The following SETD2 variants were observed in gnomAD, a reference collection of about 807,000 sequenced individuals.
The protein encoded by SETD2 is SET domain containing 2, histone lysine methyltransferase.
Under a neutral mutation model 242.1 loss-of-function variants are expected in SETD2, and 31 were observed. That is an observed-to-expected ratio of 0.13 (90% CI 0.10 to 0.17). The LOEUF is 0.17. Among genes scored for constraint, SETD2 ranks in the 10% least tolerant of loss-of-function variants. The pLI, the probability that SETD2 is intolerant of heterozygous loss-of-function variation, is 1.00. For missense variants in SETD2, 2,481 were observed against 3,046.3 expected, an observed-to-expected ratio of 0.81 and a Z score of 4.37; for synonymous variants, 1,006 against 1,066.5, an observed-to-expected ratio of 0.94 and a Z score of 1.11.
intron 1 of SETD2, among the ~76,000 whole-genome samples, chr3:47,144,683 T>G (rs541571312): frequency 6.6e-6 from 1 of 150,480 alleles, no homozygotes; most frequent in East Asian, 2.0e-4. Context: ...GAAAAAGAAA[T>G]AAGGCCAGGC....
At position 47,114,061 on chromosome 3, in the gene SETD2, ACTTTG is replaced by A; in HGVS notation, c.4587-62_4587-58del. ...TTAAAGCAGCAAAAGAACCAAAGTA[ACTTTG>A]AAAAAATGTGTTAGTATAACTACAT... On this transcript the variant is annotated intron_variant, in intron 4 of 20. Coordinates refer to ENST00000409792, the MANE Select transcript of SETD2 (RefSeq NM_014159.7). 3.2e-6 allele frequency: 5 copies of A among 1,559,968 alleles called. No homozygotes were observed. In the South Asian group the frequency reaches 3.5e-5, roughly 11 times the overall value.
At chr3:47,080,513 C>A (rs2041276114) in intron 12 of SETD2, among the ~76,000 whole-genome samples, 1 of 152,186 alleles carries the variant, frequency 6.6e-6, no homozygotes, top group South Asian at 2.1e-4. Context: ...AGTCAAGTTA[C>A]ACTTAGTCAC....
chr3:47,050,721 C>CT (rs1207924691), intron 15 of SETD2, among the ~76,000 whole-genome samples: 11 of 70,376 alleles, frequency 1.6e-4, no homozygotes, highest in Admixed American at 2.8e-4. Flanking sequence ...CATTTCCTCT[C>CT]TCTTTTTTTT....
rs986381542 is a variant in SETD2 at position 47,116,855 on chromosome 3, G to GT, written c.4455-102dup. On this transcript the variant is annotated intron_variant, in intron 3 of 20. Transcript: ENST00000409792. ...GCCAAATCTCATTAGATTCTTTTGG[G>GT]TTTTTTTAAACAGGGTCTTGTTCTG... is the stretch of plus-strand genomic sequence containing the variant. 1.2e-4 allele frequency: 107 copies of GT among 889,782 alleles called. 1 individual carries two copies. The African/African-American group carries it at 1.4e-3, about 12-fold the overall frequency. 55.1% of individuals were successfully genotyped at this position (889,782 alleles called of 1,614,324 possible).
rs766229574 is a variant in SETD2, at chr3:47,122,606, G to C, written c.2030C>G (p.Pro677Arg). ...TGTTGCCAAATCAGATTCTGCCCCA[G>C]GAGATCCATTTATATTTAATTCTAT... ...CPIELNINGS[P>R]GAESDLATFC... The change falls in exon 3 of 21, where the codon CCT becomes CGT. Residue 677 changes from proline (P) to arginine (R), a missense_variant. Pro to Arg is a moderately radical substitution (Grantham distance 103). Transcript: ENST00000409792. The C allele has an allele frequency of 6.2e-7, 1 of 1,613,982 alleles. No individual in the cohort carries two copies. The highest frequency in any genetic ancestry group is 1.3e-5 in the African/African-American group (1 of 75,036).
chr3:47,077,893 T>A (rs2041160042), intron 12 of SETD2, among the ~76,000 whole-genome samples: 2 of 152,136 alleles, frequency 1.3e-5, no homozygotes, highest in Non-Finnish European at 2.9e-5. Flanking sequence ...AATGAAGGCA[T>A]CAAGTAAATA....
At chr3:47,050,721 C>CTTTTTTTTTTT (rs1207924691) in intron 15 of SETD2, among the ~76,000 whole-genome samples, 14 of 70,376 alleles carry the variant, frequency 2.0e-4, no homozygotes, top group Non-Finnish European at 3.7e-4. Context: ...CATTTCCTCT[C>CTTTTTTTTTTT]TCTTTTTTTT....
At position 47,054,814 on chromosome 3, in the gene SETD2, T is replaced by C. The variant is rs1035745385; in HGVS notation, c.6963+2007A>G. On this transcript the variant is annotated intron_variant, in intron 15 of 20. Coordinates refer to ENST00000409792, the MANE Select transcript of SETD2 (RefSeq NM_014159.7). ...ATTTAAATGACTACCCCCAGTAAAA[T>C]GGATGACTATATAAGCAAATAGGGT... Among the ~76,000 whole-genome samples the C allele has an allele frequency of 5.3e-5, 8 of 152,278 alleles. No homozygotes were observed. In the East Asian group the frequency reaches 1.5e-3, roughly 29 times the overall value.
Position 47,123,592 on chromosome 3 carries a change from T to C in SETD2, c.1044A>G (p.Glu348=). ...DLKFSASIEK[E]RDFKKSSAPL... ...GTGCTGAGCTCTTTTTAAAATCTCT[T>C]TCCTTTTCAATGCTTGCTGAAAATT... Residue 348 remains glutamate, a synonymous_variant, in exon 3 of 21, where the codon GAA becomes GAG. Coordinates refer to ENST00000409792, the MANE Select transcript of SETD2 (RefSeq NM_014159.7). 3.2e-6 allele frequency: 5 copies of C among 1,550,444 alleles called. No homozygotes were observed. Among genetic ancestry groups the C allele is most frequent in the Admixed American group, 2.0e-5 (1 of 50,796 alleles).
At position 47,163,888 on chromosome 3, in the gene SETD2, C is replaced by A; in HGVS notation, c.37G>T (p.Gly13Trp). ...QLQPQPPPKM[G>W]DFYDPEHPTP... ...GGGTGCTCCGGGTCGTAGAAATCCCCCATCTTCGGAGGCGGCTGCGGCTGC... is the reference window on the plus strand; with the variant it reads ...GGGTGCTCCGGGTCGTAGAAATCCCACATCTTCGGAGGCGGCTGCGGCTGC... The change falls in exon 1 of 21, where the codon GGG (glycine) becomes TGG (tryptophan). Residue 13 changes from glycine (G) to tryptophan (W), a missense_variant. Transcript: ENST00000409792. 7.6e-7 allele frequency: 1 copy of A among 1,319,460 alleles called. No homozygotes were observed. The highest frequency in any genetic ancestry group is 9.7e-7 in the Non-Finnish European group (1 of 1,028,418). The allele number at this position is 1,319,460 out of a possible 1,614,324, so 81.7% of individuals were successfully genotyped here. A position where few individuals can be genotyped will look rare whatever the true frequency, so the allele number is the denominator to read the frequency against.
At chr3:47,149,277 C>T (rs1315842008) in intron 1 of SETD2, among the ~76,000 whole-genome samples, 1 of 152,098 alleles carries the variant, frequency 6.6e-6, no homozygotes, top group Admixed American at 6.6e-5. Context: ...CTAGTGAGCA[C>T]AACCTGTATG....
chr3:47,129,878 CAA>C (rs567103269), intron 1 of SETD2, among the ~76,000 whole-genome samples: 19 of 93,632 alleles, frequency 2.0e-4, no homozygotes, highest in Non-Finnish European at 1.5e-4. Flanking sequence ...GACTCCGCCT[CAA>C]AAAAAAAAAA....
intron 15 of SETD2, 28 bp from the exon 16 acceptor site, chr3:47,046,649 A>C (rs765351312): frequency 6.3e-7 from 1 of 1,595,574 alleles, no homozygotes; most frequent in Non-Finnish European, 8.6e-7. Context: ...GAAATCAATA[A>C]TTTAAGCTTT....
chr3:47,154,512 A>G (rs912248359), intron 1 of SETD2, among the ~76,000 whole-genome samples: 2 of 152,208 alleles, frequency 1.3e-5, no homozygotes, highest in African/African-American at 4.8e-5. Context: ...ATATGACTCC[A>G]TTTGTGTAAA....
intron 5 of SETD2, among the ~76,000 whole-genome samples, chr3:47,113,324 A>G (rs1406498816): frequency 6.6e-6 from 1 of 152,136 alleles, no homozygotes; most frequent in African/African-American, 2.4e-5. Flanking sequence ...TTCTGTCCCA[A>G]CTTCTTTTTA....
intron 1 of SETD2, among the ~76,000 whole-genome samples, chr3:47,128,370 T>G (rs1386958400): frequency 6.6e-6 from 1 of 152,208 alleles, no homozygotes; most frequent in Non-Finnish European, 1.5e-5. Context: ...ACTGTCTACT[T>G]GGAGAAAAGG....
intron 18 of SETD2, among the ~76,000 whole-genome samples, chr3:47,036,013 T>G (rs2038979065): frequency 6.6e-6 from 1 of 152,218 alleles, no homozygotes; most frequent in African/African-American, 2.4e-5. Flanking sequence ...AACGTAAGTG[T>G]GTATCTTTTT....
Position 47,116,605 on chromosome 3 carries a change from GTATTC to G in SETD2, c.4586+13_4586+17del. 6.3e-7 allele frequency: 1 copy of G among 1,597,826 alleles called. No homozygotes were observed. The highest frequency in any genetic ancestry group is 8.5e-7 in the Non-Finnish European group (1 of 1,173,926). On this transcript the variant is annotated intron_variant, in intron 4 of 20. Transcript: ENST00000409792. ...AATAGAAGTGTTGAGCAAAAGCCGA[GTATTC>G]TAATTTACTTACCATTCAATCATGA...
chr3:47,086,876 A>G (rs2041582700), intron 10 of SETD2, among the ~76,000 whole-genome samples: 3 of 151,976 alleles, frequency 2.0e-5, no homozygotes, highest in Admixed American at 6.6e-5. Flanking sequence ...CTCTACAAAA[A>G]TATAAATATA....
Sources: gnomAD v4.1 joint callset for allele counts (sites outside exome capture counted in the v4.1 genomes callset) on GRCh38, gnomAD v4.1.1 for gene constraint, MANE v1.5 for transcripts, NCBI Gene and HGNC (gene_info 2026-07-23, HGNC 2026-07-21) for gene names.